Variants in KCTD16 observed in about 807,000 individuals in gnomAD.
KCTD16 encodes BTB/POZ domain-containing protein KCTD16.
KCTD16 carries 13 observed loss-of-function variants against 33.2 expected under a neutral mutation model. The ratio of observed to expected loss-of-function variants is 0.39; its 90% CI spans 0.25 to 0.62. The LOEUF is 0.62. Among genes scored for constraint, KCTD16 ranks in the 20% least tolerant of loss-of-function variants. The pLI is 0.50. For synonymous variants in KCTD16, 197 were observed against 195.3 expected, an observed-to-expected ratio of 1.01 and a Z score of -0.07; for missense variants, 441 against 525.1, an observed-to-expected ratio of 0.84 and a Z score of 1.57.
intron 3 of KCTD16, among the ~76,000 whole-genome samples, chr5:144,359,128 T>A (rs1287738128): frequency 1.3e-5 from 2 of 152,190 alleles, no homozygotes; most frequent in African/African-American, 4.8e-5. Context: ...TCATACCCAA[T>A]ACATACTTAC....
chr5:144,434,452 A>G (rs1008973384), intron 3 of KCTD16, among the ~76,000 whole-genome samples: 1 of 152,098 alleles, frequency 6.6e-6, no homozygotes, highest in African/African-American at 2.4e-5. Flanking sequence ...AACTCATGGG[A>G]TACAACTGCT....
chr5:144,451,953 C>T (rs959362830), intron 3 of KCTD16, among the ~76,000 whole-genome samples: 1 of 151,660 alleles, frequency 6.6e-6, no homozygotes, highest in Admixed American at 6.6e-5. Context: ...AAAGAAATTA[C>T]ATTTAGGAGT....
At chr5:144,197,691 G>C (rs1270172410) in intron 2 of KCTD16, among the ~76,000 whole-genome samples, 1 of 152,054 alleles carries the variant, frequency 6.6e-6, no homozygotes, top group African/African-American at 2.4e-5. Context: ...AAATAATTTG[G>C]GTGTAGTGAA....
chr5:144,312,535 A>C (rs981277335), intron 3 of KCTD16, among the ~76,000 whole-genome samples: 3 of 152,192 alleles, frequency 2.0e-5, no homozygotes, highest in African/African-American at 7.2e-5. Context: ...ACTGAAGTAA[A>C]GTAGTTAAGT....
chr5:144,467,421 G>C (rs1171674315), intron 3 of KCTD16, among the ~76,000 whole-genome samples: 1 of 152,058 alleles, frequency 6.6e-6, no homozygotes, highest in Non-Finnish European at 1.5e-5. Context: ...ATCTGCTACT[G>C]TATGCCCTGG....
intron 3 of KCTD16, 84 bp downstream of exon 3, chr5:144,207,630 T>A (rs1347348263): frequency 2.1e-6 from 2 of 967,252 alleles, no homozygotes; most frequent in Non-Finnish European, 3.1e-6. Flanking sequence ...TCTCCATACC[T>A]AAGGAACATG....
intron 3 of KCTD16, among the ~76,000 whole-genome samples, chr5:144,338,593 G>A (rs574279572): frequency 5.9e-5 from 9 of 152,174 alleles, no homozygotes; most frequent in African/African-American, 1.9e-4. Context: ...AACCCTGGGG[G>A]TTCAGACAAC....
At chr5:144,237,678 C>A (rs544170781) in intron 3 of KCTD16, among the ~76,000 whole-genome samples, 1 of 152,208 alleles carries the variant, frequency 6.6e-6, no homozygotes, top group South Asian at 2.1e-4. Context: ...CAACCACCAA[C>A]AACAGTCCAC....
intron 3 of KCTD16, among the ~76,000 whole-genome samples, chr5:144,405,036 A>G (rs1241530254): frequency 6.6e-6 from 1 of 152,224 alleles, no homozygotes; most frequent in East Asian, 1.9e-4. Context: ...TATTGAGTGC[A>G]TTAGGATAAC....
chr5:144,186,375 A>AAAAC (rs1752727389), intron 2 of KCTD16, among the ~76,000 whole-genome samples: 2 of 151,568 alleles, frequency 1.3e-5, no homozygotes, highest in African/African-American at 2.4e-5. Context: ...AAAAAAAAAA[A>AAAAC]AACTAATGGC....
intron 3 of KCTD16, among the ~76,000 whole-genome samples, chr5:144,406,812 T>G (rs1320709448): frequency 6.6e-6 from 1 of 152,196 alleles, no homozygotes; most frequent in African/African-American, 2.4e-5. Context: ...TGCCAATCTA[T>G]GCAAGCTTCT....
chr5:144,249,594 A>G (rs1416418145), intron 3 of KCTD16, among the ~76,000 whole-genome samples: 1 of 152,200 alleles, frequency 6.6e-6, no homozygotes, highest in East Asian at 1.9e-4. Context: ...AAAATCTTTA[A>G]AAATTTAATA....
intron 3 of KCTD16, among the ~76,000 whole-genome samples, chr5:144,251,179 A>G (rs1017346169): frequency 6.6e-6 from 1 of 152,176 alleles, no homozygotes; most frequent in African/African-American, 2.4e-5. Flanking sequence ...TGAAGAATTA[A>G]ACTTTTTTGA....
At chr5:144,375,929 G>C (rs1168468389) in intron 3 of KCTD16, among the ~76,000 whole-genome samples, 1 of 151,936 alleles carries the variant, frequency 6.6e-6, no homozygotes, top group African/African-American at 2.4e-5. Flanking sequence ...TCCTGCCTCA[G>C]CCTCCTGAGG....
At chr5:144,300,012 G>C (rs545566421) in intron 3 of KCTD16, among the ~76,000 whole-genome samples, 1 of 151,652 alleles carries the variant, frequency 6.6e-6, no homozygotes, top group East Asian at 1.9e-4. Flanking sequence ...CTTAGAAATC[G>C]ATACAGATTA....
At chr5:144,253,236 A>G (rs1281930271) in intron 3 of KCTD16, among the ~76,000 whole-genome samples, 2 of 152,170 alleles carry the variant, frequency 1.3e-5, no homozygotes, top group Non-Finnish European at 2.9e-5. Context: ...ATATTTATAT[A>G]GTGCATAATT....
chr5:144,256,805 T>C (rs1754862459), intron 3 of KCTD16, among the ~76,000 whole-genome samples: 2 of 133,246 alleles, frequency 1.5e-5, no homozygotes, highest in Non-Finnish European at 3.1e-5. Flanking sequence ...TTTAGGACTT[T>C]AATTTTTTTG....
intron 2 of KCTD16, among the ~76,000 whole-genome samples, chr5:144,199,080 T>C (rs1391528852): frequency 1.3e-5 from 2 of 152,224 alleles, no homozygotes; most frequent in African/African-American, 4.8e-5. Context: ...TTAAAATGCA[T>C]TCTAAAGACA....
intron 3 of KCTD16, chr5:144,439,290 G>T: frequency 2.2e-6 from 1 of 452,146 alleles, no homozygotes; most frequent in South Asian, 2.0e-5. Flanking sequence ...CAAGGACATA[G>T]CCAAGCTGGT....
Sources: gnomAD v4.1 joint callset for allele counts (sites outside exome capture counted in the v4.1 genomes callset) on GRCh38, gnomAD v4.1.1 for gene constraint, MANE v1.5 for transcripts, NCBI Gene and HGNC (gene_info 2026-07-23, HGNC 2026-07-21) for gene names.